Variants in CCDC102B observed in about 807,000 individuals in gnomAD.
CCDC102B encodes the protein coiled-coil domain containing 102B.
A neutral mutation model predicts 57.4 loss-of-function variants in CCDC102B; 75 were observed. The observed-to-expected ratio is 1.31, with a 90% CI of 1.08 to 1.58. CCDC102B has a LOEUF of 1.58. Among genes scored for constraint, CCDC102B ranks in the 40% most tolerant of loss-of-function variants. CCDC102B has a pLI of 0.00. For synonymous variants in CCDC102B, 206 were observed against 201.9 expected (o/e 1.02, Z -0.17); for missense variants, 636 against 582.6 (o/e 1.09, Z -0.94).
chr18:68,765,320 G>GAAAGAAAGAAAAGAAA (rs1568238728), intron 2 of CCDC102B, among the ~76,000 whole-genome samples: 10 of 40,618 alleles, frequency 2.5e-4, no homozygotes, highest in African/African-American at 7.7e-4. Flanking sequence ...AAGGAAGGAA[G>GAAAGAAAGAAAAGAAA]GAAGGAAAGA....
intron 6 of CCDC102B, among the ~76,000 whole-genome samples, chr18:68,923,923 C>A (rs1484416582): frequency 6.6e-6 from 1 of 152,036 alleles, no homozygotes; most frequent in African/African-American, 2.4e-5. Flanking sequence ...TGGCCATCAT[C>A]AGCAAAACTT....
At chr18:68,781,150 G>A (rs539577362) in intron 2 of CCDC102B, among the ~76,000 whole-genome samples, 3 of 152,082 alleles carry the variant, frequency 2.0e-5, no homozygotes, top group Admixed American at 6.6e-5. Context: ...ATCATGAAAA[G>A]TACAAAACAA....
chr18:68,782,014 A>T (rs945945152), intron 2 of CCDC102B, among the ~76,000 whole-genome samples: 1 of 152,126 alleles, frequency 6.6e-6, no homozygotes, highest in African/African-American at 2.4e-5. Flanking sequence ...CTATCATTTA[A>T]CCAGAAAGTG....
At chr18:69,022,340 ATTAG>A (rs2051867868) in intron 7 of CCDC102B, among the ~76,000 whole-genome samples, 3 of 119,972 alleles carry the variant, frequency 2.5e-5, no homozygotes, top group Non-Finnish European at 3.4e-5. Context: ...GTGTATGTGT[ATTAG>A]TTATATATAA....
At position 68,803,148 on chromosome 18, in the gene CCDC102B, C is replaced by A. The variant is rs73456197; in HGVS notation, c.-16+4967C>A. On this transcript the variant is annotated intron_variant, in intron 1 of 7. Transcript: ENST00000360242. ...TAAAAGCCACCTTCTTTAGAGAAGA[C>A]TGACTTATTTAGTGGAACTTGTAAT... Among the ~76,000 whole-genome samples, 879 of 152,238 alleles carry A rather than the reference C, an allele frequency of 5.8e-3. 9 individuals carry two copies. The highest frequency in any genetic ancestry group is 0.02 in the African/African-American group (830 of 41,542).
intron 4 of CCDC102B, among the ~76,000 whole-genome samples, chr18:68,849,233 A>G (rs950585351): frequency 1.2e-4 from 19 of 152,226 alleles, no homozygotes; most frequent in African/African-American, 4.1e-4. Flanking sequence ...TTTTTAAAAC[A>G]TATGGCATAT....
chr18:68,918,575 T>G (rs1400372033), intron 6 of CCDC102B, among the ~76,000 whole-genome samples: 1 of 152,178 alleles, frequency 6.6e-6, no homozygotes, highest in Non-Finnish European at 1.5e-5. Flanking sequence ...AAGTATAGAT[T>G]TGGAGCTGTT....
chr18:68,824,881 G>T lies in CCDC102B; in HGVS notation c.-15-11868G>T, dbSNP rs561622618. Among the ~76,000 whole-genome samples, 353 of 152,242 alleles carry T rather than the reference G, an allele frequency of 2.3e-3. 2 individuals are homozygous for T. Among genetic ancestry groups the T allele is most frequent in the African/African-American group, 8.3e-3 (344 of 41,554 alleles). Reference sequence around the variant, plus strand: ...TTTGTCTATCTTTCATATACACACTGTCATCACACAGTCACACATGCACTC... The same window carrying T: ...TTTGTCTATCTTTCATATACACACTTTCATCACACAGTCACACATGCACTC... On this transcript the variant is annotated intron_variant, in intron 1 of 7. Transcript: ENST00000360242.
At chr18:68,839,856 C>T (rs1382892196) in intron 3 of CCDC102B, among the ~76,000 whole-genome samples, 3 of 152,060 alleles carry the variant, frequency 2.0e-5, no homozygotes, top group African/African-American at 7.2e-5. Flanking sequence ...ACCCACTTAT[C>T]GGTGGTGAGA....
intron 7 of CCDC102B, among the ~76,000 whole-genome samples, chr18:69,030,056 A>T (rs2052097714): frequency 6.6e-6 from 1 of 152,030 alleles, no homozygotes; most frequent in Non-Finnish European, 1.5e-5. Context: ...GGAAAAAATT[A>T]TTTTTTTCTT....
chr18:68,945,685 A>G (rs2049520134), intron 6 of CCDC102B, among the ~76,000 whole-genome samples: 3 of 152,122 alleles, frequency 2.0e-5, no homozygotes, highest in African/African-American at 2.4e-5. Context: ...AATCTCTTGT[A>G]GGACAGCAGT....
At chr18:69,021,740 G>C (rs757501182) in intron 7 of CCDC102B, among the ~76,000 whole-genome samples, 9 of 152,168 alleles carry the variant, frequency 5.9e-5, no homozygotes, top group Non-Finnish European at 1.0e-4. Flanking sequence ...GAGTAGATGG[G>C]CAAGGACGGT....
intron 4 of CCDC102B, among the ~76,000 whole-genome samples, chr18:68,854,831 G>C (rs746590294): frequency 7.2e-5 from 11 of 152,122 alleles, no homozygotes; most frequent in Non-Finnish European, 1.5e-4. Context: ...CTGAGAATTA[G>C]CACTGCTTAT....
At chr18:68,882,953 G>A (rs564920353) in intron 5 of CCDC102B, among the ~76,000 whole-genome samples, 7 of 152,254 alleles carry the variant, frequency 4.6e-5, no homozygotes, top group Middle Eastern at 3.4e-3. Context: ...ACATGGACAC[G>A]TAGAGGGGAA....
chr18:68,998,997 TATAGAGAG>T (rs1402058797), intron 6 of CCDC102B, among the ~76,000 whole-genome samples: 60 of 30,538 alleles, frequency 2.0e-3, no homozygotes, highest in African/African-American at 4.7e-3. Context: ...TATATATATA[TATAGAGAG>T]AGAGAGAGAG....
At chr18:68,874,925 A>C in intron 5 of CCDC102B, 140 bp downstream of exon 5, 1 of 550,490 alleles carries the variant, frequency 1.8e-6, no homozygotes, top group Admixed American at 2.9e-5. Flanking sequence ...TAATCAGCTT[A>C]TATGTGATTT....
chr18:68,727,762 C>T (rs529113721), intron 2 of CCDC102B, among the ~76,000 whole-genome samples: 148 of 152,290 alleles, frequency 9.7e-4, no homozygotes, highest in Non-Finnish European at 1.8e-3. Flanking sequence ...CTAGTAAATT[C>T]TTCATGGGAG....
intron 1 of CCDC102B, among the ~76,000 whole-genome samples, chr18:68,807,244 A>G (rs1479233402): frequency 6.6e-6 from 1 of 152,066 alleles, no homozygotes; most frequent in Non-Finnish European, 1.5e-5. Context: ...TGCTTGCTAT[A>G]ATTTAAGAAA....
chr18:68,745,877 G>A (rs537530269), intron 2 of CCDC102B, among the ~76,000 whole-genome samples: 1 of 151,936 alleles, frequency 6.6e-6, no homozygotes. Context: ...ATAATGTCCT[G>A]CACGCTCATT....
Sources: allele counts gnomAD v4.1 joint callset (sites outside exome capture counted in the v4.1 genomes callset), GRCh38; gene constraint gnomAD v4.1.1; transcripts MANE v1.5; gene names NCBI Gene and HGNC (gene_info 2026-07-23, HGNC 2026-07-21).